The following ARSJ variants were observed in gnomAD, a reference collection of about 807,000 sequenced individuals.
ARSJ encodes the protein arylsulfatase family member J, also known as arylsulfatase J.
ARSJ carries 26 observed loss-of-function variants against 35.9 expected under a neutral mutation model. The ratio of observed to expected loss-of-function variants is 0.72; its 90% CI spans 0.53 to 1.00. The LOEUF is 1.00. Among genes scored for constraint, ARSJ ranks in the 50% least tolerant of loss-of-function variants. ARSJ has a pLI of 0.00. For synonymous variants in ARSJ, 294 were observed against 267.6 expected (o/e 1.10, Z -0.96); for missense variants, 667 against 723.6 (o/e 0.92, Z 0.90).
chr4:113,944,378 C>T (rs934430754), intron 1 of ARSJ: 9 of 151,982 alleles, frequency 5.9e-5, no homozygotes, highest in Non-Finnish European at 1.3e-4. Context: ...CTACATTAAT[C>T]TCATAGTTCC....
At chr4:113,945,365 T>C (rs1022709659) in intron 1 of ARSJ, among the ~76,000 whole-genome samples, 1 of 152,076 alleles carries the variant, frequency 6.6e-6, no homozygotes. Context: ...ATCAAACTCC[T>C]GGGCTCAAGT....
chr4:113,912,735 A>G (rs1594394022), intron 1 of ARSJ, among the ~76,000 whole-genome samples: 3 of 147,598 alleles, frequency 2.0e-5, no homozygotes, highest in South Asian at 4.3e-4. Context: ...ATAAATGAGA[A>G]TGTGTGTGTG....
chr4:113,950,946 C>T (rs1339715931), intron 1 of ARSJ, among the ~76,000 whole-genome samples: 1 of 152,000 alleles, frequency 6.6e-6, no homozygotes, highest in Non-Finnish European at 1.5e-5. Flanking sequence ...ACACTGCCAA[C>T]ACTGCCCAAG....
intron 1 of ARSJ, among the ~76,000 whole-genome samples, chr4:113,951,212 G>C (rs1260105864): frequency 6.6e-6 from 1 of 152,014 alleles, no homozygotes; most frequent in African/African-American, 2.4e-5. Context: ...CTAATATAAG[G>C]TTCTCATTTG....
At chr4:113,969,543 G>C (rs1407592990) in intron 1 of ARSJ, among the ~76,000 whole-genome samples, 2 of 152,038 alleles carry the variant, frequency 1.3e-5, no homozygotes, top group Non-Finnish European at 2.9e-5. Context: ...AATTCTCAAA[G>C]TACTTTCACA....
chr4:113,939,865 G>T (rs1474473191), intron 1 of ARSJ, among the ~76,000 whole-genome samples: 1 of 151,938 alleles, frequency 6.6e-6, no homozygotes, highest in Non-Finnish European at 1.5e-5. Context: ...CTCCCATTTT[G>T]TAGGTTGCCT....
chr4:113,928,895 C>T (rs919513250), intron 1 of ARSJ, among the ~76,000 whole-genome samples: 1 of 152,148 alleles, frequency 6.6e-6, no homozygotes, highest in African/African-American at 2.4e-5. Context: ...TCCCAATCTC[C>T]CTAAGCCTTT....
At chr4:113,965,336 T>G (rs1260962015) in intron 1 of ARSJ, among the ~76,000 whole-genome samples, 1 of 152,120 alleles carries the variant, frequency 6.6e-6, no homozygotes, top group African/African-American at 2.4e-5. Flanking sequence ...AAGATATTTA[T>G]TGTTTTCTAC....
chr4:113,935,379 TCA>T (rs1324047097), intron 1 of ARSJ, among the ~76,000 whole-genome samples: 1 of 151,864 alleles, frequency 6.6e-6, no homozygotes, highest in Admixed American at 6.6e-5. Flanking sequence ...TGTGAGTAAG[TCA>T]CAGTTTTTGT....
chr4:113,976,071 G>C (rs966661431), intron 1 of ARSJ, among the ~76,000 whole-genome samples: 8 of 152,248 alleles, frequency 5.3e-5, no homozygotes, highest in African/African-American at 1.7e-4. Context: ...AGACTAGTAT[G>C]ATGTAAATTA....
chr4:113,907,040 C>T (rs1325734515), intron 1 of ARSJ, among the ~76,000 whole-genome samples: 1 of 152,168 alleles, frequency 6.6e-6, no homozygotes, highest in Admixed American at 6.5e-5. Context: ...CAACCTGCCC[C>T]ACCAGGCTGT....
At chr4:113,922,536 T>C (rs1044851762) in intron 1 of ARSJ, among the ~76,000 whole-genome samples, 2 of 152,184 alleles carry the variant, frequency 1.3e-5, no homozygotes, top group African/African-American at 4.8e-5. Flanking sequence ...GATTCAACTC[T>C]GACCAATCAC....
chr4:113,923,737 T>C (rs1037543895), intron 1 of ARSJ, among the ~76,000 whole-genome samples: 65 of 152,078 alleles, frequency 4.3e-4, no homozygotes, highest in Admixed American at 2.0e-3. Flanking sequence ...TTAGTTATAT[T>C]AGCCATATTT....
intron 1 of ARSJ, among the ~76,000 whole-genome samples, chr4:113,940,520 G>A (rs143509901): frequency 2.6e-5 from 4 of 151,958 alleles, no homozygotes; most frequent in African/African-American, 7.2e-5. Flanking sequence ...GAGAGCAACA[G>A]CAAAAAATAG....
In ARSJ at chr4:113,979,238, A is replaced by C; in HGVS notation, c.-404T>G. 1 of 167,466 alleles carries C rather than the reference A, an allele frequency of 6.0e-6. No homozygotes were observed. Among genetic ancestry groups the C allele is most frequent in the Non-Finnish European group, 1.3e-5 (1 of 76,828 alleles). The allele number at this position is 167,466 out of a possible 1,614,324, so 10.4% of individuals were successfully genotyped here. A position where few individuals can be genotyped will look rare whatever the true frequency, so the allele number is the denominator to read the frequency against. On this transcript the variant is annotated 5_prime_UTR_variant, in exon 1 of 2. Transcript: ENST00000315366. ...CCCTCGACGTTGGGGAGCGAGGCTG[A>C]CTCTCCTGGGAGTGCTGGTACGGAG...
intron 1 of ARSJ, among the ~76,000 whole-genome samples, chr4:113,942,235 T>C (rs1223935779): frequency 1.3e-5 from 2 of 151,930 alleles, no homozygotes; most frequent in East Asian, 3.9e-4. Context: ...TCTAAATTTA[T>C]GTTTCCACTC....
intron 1 of ARSJ, among the ~76,000 whole-genome samples, chr4:113,958,511 A>G (rs1463434031): frequency 2.6e-5 from 4 of 152,082 alleles, no homozygotes; most frequent in African/African-American, 9.7e-5. Flanking sequence ...CTAGACACCT[A>G]TGATAACCAA....
chr4:113,944,343 T>C (rs1308975567), intron 1 of ARSJ: 2 of 151,984 alleles, frequency 1.3e-5, no homozygotes, highest in Non-Finnish European at 2.9e-5. Context: ...GAGAAATGAA[T>C]AGCTCTCTTA....
intron 1 of ARSJ, among the ~76,000 whole-genome samples, chr4:113,927,428 A>C (rs1032994777): frequency 6.6e-6 from 1 of 152,344 alleles, no homozygotes; most frequent in South Asian, 2.1e-4. Context: ...GTAATGGACC[A>C]GTGTGATATC....
Sources: gnomAD v4.1 joint callset for allele counts (sites outside exome capture counted in the v4.1 genomes callset) on GRCh38, gnomAD v4.1.1 for gene constraint, MANE v1.5 for transcripts, NCBI Gene and HGNC (gene_info 2026-07-23, HGNC 2026-07-21) for gene names.